The following EYS variants were observed in gnomAD, a reference collection of about 807,000 sequenced individuals.
The protein encoded by EYS is EGF-like photoreceptor maintenance factor, also known as protein eyes shut homolog.
In EYS, 250 loss-of-function variants were observed where a neutral mutation model predicts 282.1. The ratio of observed to expected loss-of-function variants is 0.89; its 90% CI spans 0.80 to 0.98. The LOEUF (loss-of-function observed/expected upper bound fraction) is 0.98, where lower values mean the gene tolerates loss of function less well. EYS is among the 50% of genes least tolerant of loss of function. The pLI, the probability that EYS is intolerant of heterozygous loss-of-function variation, is 0.00. For synonymous variants in EYS, 1,355 were observed against 1,282.9 expected (o/e 1.06, Z -1.20); for missense variants, 4,016 against 3,709.0 (o/e 1.08, Z -2.15).
intron 12 of EYS, among the ~76,000 whole-genome samples, chr6:65,158,273 C>T (rs1027237284): frequency 3.3e-5 from 5 of 150,778 alleles, no homozygotes; most frequent in African/African-American, 1.2e-4. Context: ...AATGTATATC[C>T]AAGCTTCTGT....
At chr6:65,573,591 T>C (rs1296561774) in intron 2 of EYS, among the ~76,000 whole-genome samples, 7 of 152,172 alleles carry the variant, frequency 4.6e-5, no homozygotes, top group Admixed American at 3.3e-4. Flanking sequence ...AACCTGACCC[T>C]GAAGCCCAGC....
chr6:64,221,314 T>C (rs1320886809), intron 31 of EYS, among the ~76,000 whole-genome samples: 1 of 151,944 alleles, frequency 6.6e-6, no homozygotes, highest in East Asian at 1.9e-4. Context: ...ACAAAGTGAA[T>C]GGATTTATGC....
intron 12 of EYS, among the ~76,000 whole-genome samples, chr6:65,123,325 G>T (rs558799414): frequency 3.9e-5 from 6 of 152,208 alleles, no homozygotes; most frequent in Middle Eastern, 3.4e-3. Context: ...TTTATTTTGT[G>T]TTAAATTTAT....
chr6:64,866,955 C>A (rs539761707), intron 19 of EYS, among the ~76,000 whole-genome samples: 1 of 151,566 alleles, frequency 6.6e-6, no homozygotes, highest in African/African-American at 2.4e-5. Flanking sequence ...CCTTCATATT[C>A]CAAAAATGTA....
intron 41 of EYS, among the ~76,000 whole-genome samples, chr6:63,761,038 A>G (rs1459617662): frequency 1.3e-5 from 2 of 149,570 alleles, no homozygotes; most frequent in African/African-American, 4.9e-5. Flanking sequence ...AAGTTTAAAT[A>G]TTTAACCGAT....
chr6:65,554,337 T>C (rs1239068066), intron 2 of EYS, among the ~76,000 whole-genome samples: 1 of 152,216 alleles, frequency 6.6e-6, no homozygotes, highest in Non-Finnish European at 1.5e-5. Context: ...ACATTTTTAT[T>C]ATTGTATCTT....
chr6:64,827,547 G>T (rs911513483), intron 19 of EYS, among the ~76,000 whole-genome samples: 1 of 151,692 alleles, frequency 6.6e-6, no homozygotes, highest in East Asian at 1.9e-4. Flanking sequence ...TTTTGAAAAT[G>T]ACTAAAATTT....
At chr6:64,385,807 T>G (rs1405360097) in intron 29 of EYS, among the ~76,000 whole-genome samples, 1 of 152,218 alleles carries the variant, frequency 6.6e-6, no homozygotes, top group Non-Finnish European at 1.5e-5. Context: ...TTAACATTTT[T>G]TCTCCAGAAA....
At chr6:64,230,072 T>G (rs1012729500) in intron 31 of EYS, among the ~76,000 whole-genome samples, 2 of 152,192 alleles carry the variant, frequency 1.3e-5, no homozygotes, top group African/African-American at 4.8e-5. Context: ...AGGAGGCTAT[T>G]AGATGTTGAC....
chr6:65,406,754 G>A (rs973468529), intron 5 of EYS, among the ~76,000 whole-genome samples: 1 of 151,914 alleles, frequency 6.6e-6, no homozygotes, highest in African/African-American at 2.4e-5. Flanking sequence ...CAATAAAGTT[G>A]CACATAGATA....
chr6:64,764,406 C>T (rs1773258270), intron 22 of EYS, among the ~76,000 whole-genome samples: 1 of 152,204 alleles, frequency 6.6e-6, no homozygotes, highest in South Asian at 2.1e-4. Flanking sequence ...GTATGTTGGC[C>T]CTTTTTAGCT....
chr6:64,550,231 T>C (rs372072053), intron 26 of EYS, among the ~76,000 whole-genome samples: 2 of 152,346 alleles, frequency 1.3e-5, no homozygotes, highest in East Asian at 1.9e-4. Flanking sequence ...GCATGATTTA[T>C]AATCCTTTGG....
chr6:64,917,800 T>G (rs1768212160), intron 15 of EYS, among the ~76,000 whole-genome samples: 3 of 152,168 alleles, frequency 2.0e-5, no homozygotes, highest in Non-Finnish European at 2.9e-5. Context: ...TTATACAACA[T>G]AAATATACAC....
At chr6:63,805,238 A>G (rs1194729566) in intron 37 of EYS, among the ~76,000 whole-genome samples, 1 of 152,222 alleles carries the variant, frequency 6.6e-6, no homozygotes, top group Non-Finnish European at 1.5e-5. Context: ...GCAGACTTAA[A>G]AGTAAAACAT....
intron 19 of EYS, among the ~76,000 whole-genome samples, chr6:64,826,062 G>GT (rs1181701441): frequency 6.6e-6 from 1 of 151,788 alleles, no homozygotes; most frequent in African/African-American, 2.4e-5. Flanking sequence ...CTCAGTCTCA[G>GT]TTTTTTGCCT....
intron 33 of EYS, among the ~76,000 whole-genome samples, chr6:64,039,220 ATCAT>A (rs1770270157): frequency 6.6e-6 from 1 of 152,224 alleles, no homozygotes; most frequent in Non-Finnish European, 1.5e-5. Flanking sequence ...TTCTTAATAG[ATCAT>A]TCATTCAGAC....
chr6:64,577,009 T>C (rs1328215), intron 26 of EYS, among the ~76,000 whole-genome samples: 4,072 of 152,126 alleles, frequency 0.027, 113 homozygotes, highest in East Asian at 0.11. Context: ...ACGGGGAGAA[T>C]ACATGTAACG....
chr6:64,438,228 A>G, intron 27 of EYS, among the ~76,000 whole-genome samples: 1 of 151,792 alleles, frequency 6.6e-6, no homozygotes, highest in East Asian at 1.9e-4. Flanking sequence ...TTGATCTCAC[A>G]GTCTCTTTGC....
At chr6:65,423,376 T>C (rs1402570446) in intron 5 of EYS, among the ~76,000 whole-genome samples, 1 of 151,946 alleles carries the variant, frequency 6.6e-6, no homozygotes, top group Non-Finnish European at 1.5e-5. Flanking sequence ...TGTTAAAATG[T>C]AATGTGTGTG....
Sources: gnomAD v4.1 joint callset for allele counts (sites outside exome capture counted in the v4.1 genomes callset) on GRCh38, gnomAD v4.1.1 for gene constraint, MANE v1.5 for transcripts, NCBI Gene and HGNC (gene_info 2026-07-23, HGNC 2026-07-21) for gene names.